The following FRMD5 variants were observed in gnomAD, a reference collection of about 807,000 sequenced individuals.
The protein encoded by FRMD5 is FERM domain containing 5, also known as FERM domain-containing protein 5.
FRMD5 carries 20 observed loss-of-function variants against 69.0 expected under a neutral mutation model. That is an observed-to-expected ratio of 0.29 (90% CI 0.20 to 0.42). The LOEUF (loss-of-function observed/expected upper bound fraction) is 0.42, where lower values mean the gene tolerates loss of function less well. Among genes scored for constraint, FRMD5 ranks in the 10% least tolerant of loss-of-function variants. The probability of loss-of-function intolerance (pLI) is 1.00; values close to 1 mark genes in which losing one functional copy is unlikely to be tolerated. For synonymous variants in FRMD5, 271 were observed against 260.1 expected (o/e 1.04, Z -0.40); for missense variants, 595 against 708.6 (o/e 0.84, Z 1.82).
intron 1 of FRMD5, among the ~76,000 whole-genome samples, chr15:44,009,237 C>G (rs953177747): frequency 5.3e-5 from 8 of 152,182 alleles, no homozygotes; most frequent in African/African-American, 1.9e-4. Context: ...AGGGTTGGGT[C>G]ACAGTAGCTC....
intron 1 of FRMD5, among the ~76,000 whole-genome samples, chr15:44,154,247 T>C: frequency 6.6e-6 from 1 of 151,902 alleles, no homozygotes. Flanking sequence ...CAATTGAGCC[T>C]GGGGAGGTTG....
At chr15:44,132,458 T>G (rs1490222654) in intron 1 of FRMD5, among the ~76,000 whole-genome samples, 2 of 152,146 alleles carry the variant, frequency 1.3e-5, no homozygotes, top group African/African-American at 4.8e-5. Flanking sequence ...AGAAAGAAAC[T>G]CACTCTGTCA....
chr15:44,087,830 T>C (rs991162032), intron 1 of FRMD5, among the ~76,000 whole-genome samples: 2 of 151,902 alleles, frequency 1.3e-5, no homozygotes, highest in Non-Finnish European at 1.5e-5. Flanking sequence ...AGGAATAAAA[T>C]TTGGTGTTCC....
At chr15:44,053,704 C>T (rs1395425633) in intron 1 of FRMD5, among the ~76,000 whole-genome samples, 1 of 152,032 alleles carries the variant, frequency 6.6e-6, no homozygotes, top group African/African-American at 2.4e-5. Flanking sequence ...GTAAGAGGAC[C>T]AGGTTTGATA....
intron 6 of FRMD5, among the ~76,000 whole-genome samples, chr15:43,902,689 C>CAAAA (rs5812254): frequency 8.9e-6 from 1 of 112,814 alleles, no homozygotes; most frequent in African/African-American, 2.9e-5. Context: ...GACCCTGTCT[C>CAAAA]AAAAAAAAAA....
At chr15:43,913,979 TCTG>T (rs1407077477) in intron 4 of FRMD5, among the ~76,000 whole-genome samples, 1 of 152,248 alleles carries the variant, frequency 6.6e-6, no homozygotes, top group African/African-American at 2.4e-5. Context: ...TTTTTTAAAC[TCTG>T]CTGATCTCTT....
chr15:43,964,537 G>C (rs777874280), intron 1 of FRMD5, among the ~76,000 whole-genome samples: 1 of 151,212 alleles, frequency 6.6e-6, no homozygotes, highest in Non-Finnish European at 1.5e-5. Flanking sequence ...AGAAAAATGA[G>C]TGCTCATAAT....
At chr15:43,996,010 A>C (rs991514499) in intron 1 of FRMD5, among the ~76,000 whole-genome samples, 1 of 150,968 alleles carries the variant, frequency 6.6e-6, no homozygotes, top group Admixed American at 6.6e-5. Flanking sequence ...CACGAGGATC[A>C]GCCTGGCCTG....
intron 1 of FRMD5, among the ~76,000 whole-genome samples, chr15:44,039,395 G>T (rs767006346): frequency 3.3e-5 from 5 of 152,254 alleles, no homozygotes; most frequent in African/African-American, 1.2e-4. Context: ...CTCCCAGTAG[G>T]GGCCAACAGA....
rs142571445 is a variant in FRMD5, at chr15:44,188,181, G to A, written c.102+6772C>T. 2.5e-3 allele frequency among the ~76,000 whole-genome samples: 388 copies of A among 152,192 alleles called. 9 individuals are homozygous for A. In the East Asian group the frequency reaches 0.057, roughly 22 times the overall value. On this transcript the variant is annotated intron_variant, in intron 1 of 13. Coordinates refer to ENST00000417257, the MANE Select transcript of FRMD5 (RefSeq NM_032892.5). ...ATAATCTACTGTTTTTAGGTCAGGAGAGACAAAAAATACTAACCAATAAAT... is the reference window on the plus strand; with the variant it reads ...ATAATCTACTGTTTTTAGGTCAGGAAAGACAAAAAATACTAACCAATAAAT...
At chr15:44,065,738 C>T (rs1893282982) in intron 1 of FRMD5, among the ~76,000 whole-genome samples, 1 of 152,164 alleles carries the variant, frequency 6.6e-6, no homozygotes, top group Admixed American at 6.5e-5. Context: ...TATAAACTGA[C>T]CTACATTTTG....
intron 1 of FRMD5, among the ~76,000 whole-genome samples, chr15:44,093,910 G>GAA (rs147529490): frequency 2.0e-5 from 3 of 148,112 alleles, no homozygotes; most frequent in Non-Finnish European, 4.5e-5. Flanking sequence ...CAGCCCCACT[G>GAA]AAAAAAAAAA....
intron 1 of FRMD5, among the ~76,000 whole-genome samples, chr15:43,925,252 G>T (rs1369584318): frequency 6.6e-6 from 1 of 152,106 alleles, no homozygotes; most frequent in Non-Finnish European, 1.5e-5. Context: ...TGATCTGCCT[G>T]CCTCGGCCTC....
At chr15:44,043,011 T>C (rs918045686) in intron 1 of FRMD5, among the ~76,000 whole-genome samples, 1 of 152,164 alleles carries the variant, frequency 6.6e-6, no homozygotes, top group African/African-American at 2.4e-5. Flanking sequence ...GATGACATGA[T>C]TGTATATTTA....
chr15:43,935,184 TA>T (rs1426315793), intron 1 of FRMD5, among the ~76,000 whole-genome samples: 5 of 152,174 alleles, frequency 3.3e-5, no homozygotes, highest in Non-Finnish European at 5.9e-5. Flanking sequence ...TTTTGGTCTA[TA>T]AATAATTCTT....
At chr15:43,930,126 G>A (rs963327724) in intron 1 of FRMD5, among the ~76,000 whole-genome samples, 1 of 152,210 alleles carries the variant, frequency 6.6e-6, no homozygotes, top group Admixed American at 6.5e-5. Context: ...CCTAACTTCA[G>A]CACCTTCTTT....
chr15:44,147,335 T>C (rs1037071568), intron 1 of FRMD5, among the ~76,000 whole-genome samples: 1 of 152,186 alleles, frequency 6.6e-6, no homozygotes, highest in Non-Finnish European at 1.5e-5. Flanking sequence ...ATCTCTATTC[T>C]GTTCCACTGG....
intron 1 of FRMD5, among the ~76,000 whole-genome samples, chr15:44,168,384 G>A (rs1317939660): frequency 2.0e-5 from 3 of 152,282 alleles, no homozygotes; most frequent in Middle Eastern, 3.4e-3. Context: ...TTCACATATA[G>A]ATCATCTATT....
intron 1 of FRMD5, among the ~76,000 whole-genome samples, chr15:44,181,934 T>C (rs2140567467): frequency 6.6e-6 from 1 of 151,638 alleles, no homozygotes; most frequent in Middle Eastern, 3.5e-3. Context: ...TATCACCATA[T>C]CATAACTCTC....
Sources: gnomAD v4.1 joint callset for allele counts (sites outside exome capture counted in the v4.1 genomes callset) on GRCh38, gnomAD v4.1.1 for gene constraint, MANE v1.5 for transcripts, NCBI Gene and HGNC (gene_info 2026-07-23, HGNC 2026-07-21) for gene names.